The following LRP1 variants were observed in gnomAD, a reference collection of about 807,000 sequenced individuals.
LRP1 encodes the protein prolow-density lipoprotein receptor-related protein 1.
Under a neutral mutation model 541.5 loss-of-function variants are expected in LRP1, and 51 were observed. The observed-to-expected ratio is 0.09, with a 90% CI of 0.08 to 0.12. The LOEUF is 0.12. LRP1 is among the 10% of genes least tolerant of loss of function. The pLI is 1.00. For missense variants in LRP1, 3,878 were observed against 6,376.2 expected, an observed-to-expected ratio of 0.61 and a Z score of 13.34; for synonymous variants, 2,219 against 2,470.8, an observed-to-expected ratio of 0.90 and a Z score of 3.02.
At chr12:57,145,548 G>A in intron 6 of LRP1, 58 bp downstream of exon 6, 1 of 1,585,290 alleles carries the variant, frequency 6.3e-7, no homozygotes, top group Non-Finnish European at 8.6e-7. Context: ...CAGGGAAGGT[G>A]GACCCTATCT....
intron 68 of LRP1, 176 bp downstream of exon 68, chr12:57,202,713 C>T: frequency 1.6e-6 from 1 of 613,156 alleles, no homozygotes; most frequent in Non-Finnish European, 2.9e-6. Context: ...GCCATTTCAC[C>T]TCATCTCATG....
chr12:57,149,784 A>G (rs1258712888), intron 6 of LRP1: 1 of 706,748 alleles, frequency 1.4e-6, no homozygotes, highest in Non-Finnish European at 2.6e-6. Context: ...GCAGGAAACA[A>G]GGAGCATGAG....
intron 63 of LRP1, 63 bp downstream of exon 63, chr12:57,200,598 C>T: frequency 1.3e-5 from 21 of 1,555,836 alleles, no homozygotes; most frequent in Non-Finnish European, 1.7e-5. Context: ...ACTCCTGAGG[C>T]TTTGAATGGC....
Position 57,195,112 on chromosome 12 carries a change from T to C in LRP1, c.8308+11T>C. ...AGGCTGCTCACTGTGGTAAGGAAGCTGGGATTGGGCCGGGGGAGGTGCCCC... is the reference window on the plus strand; with the variant it reads ...AGGCTGCTCACTGTGGTAAGGAAGCCGGGATTGGGCCGGGGGAGGTGCCCC... On this transcript the variant is annotated intron_variant, in intron 51 of 88. Coordinates refer to ENST00000243077, the MANE Select transcript of LRP1 (RefSeq NM_002332.3). 1 of 1,611,400 alleles carries C rather than the reference T, an allele frequency of 6.2e-7. No homozygotes were observed. The highest frequency in any genetic ancestry group is 8.5e-7 in the Non-Finnish European group (1 of 1,177,758).
rs554085829 is a variant in LRP1 at position 57,210,352 on chromosome 12, G to A, written c.12626G>A (p.Ser4209Asn). Residue 4209 changes from serine to asparagine, a missense_variant, in exon 82 of 89, where the codon AGC becomes AAC. By Grantham distance (46) the Ser-to-Asn change is conservative. Transcript: ENST00000243077. ...TCNLQCFNGGSCFLNARRQPK... is the reference protein window; with the variant it reads ...TCNLQCFNGGNCFLNARRQPK... ...AACCTGCAGTGCTTCAACGGTGGCA[G>A]CTGTTTCCTCAATGCACGGAGGCAG... The A allele has an allele frequency of 1.9e-6, 3 of 1,593,018 alleles. No individual in the cohort carries two copies. Among genetic ancestry groups the A allele is most frequent in the Admixed American group, 3.5e-5 (2 of 56,996 alleles).
At position 57,197,229 on chromosome 12, in the gene LRP1, G is replaced by A; in HGVS notation, c.9076+64G>A. 1.2e-6 allele frequency: 2 copies of A among 1,612,532 alleles called. No individual in the cohort carries two copies. The highest frequency in any genetic ancestry group is 1.7e-6 in the Non-Finnish European group (2 of 1,178,564). On this transcript the variant is annotated intron_variant, in intron 56 of 88. Coordinates refer to ENST00000243077, the MANE Select transcript of LRP1 (RefSeq NM_002332.3). This position sits in a 1 kb window ranked among gnomAD's most constrained non-coding sequence, Gnocchi z 4.5. ...TGTGTGGGACTGCCCGGGTGGCAGA[G>A]CTCCAGACAGGCAGGAGACCAGGGC...
chr12:57,178,689 G>T lies in LRP1; in HGVS notation c.4606+86G>T. 6.3e-7 allele frequency: 1 copy of T among 1,584,558 alleles called. No individual in the cohort carries two copies. The highest frequency in any genetic ancestry group is 1.2e-5 in the South Asian group (1 of 86,554). On this transcript the variant is annotated intron_variant, in intron 27 of 88. Coordinates refer to ENST00000243077, the MANE Select transcript of LRP1 (RefSeq NM_002332.3). The surrounding 1 kb of genome is among the most constrained non-coding windows in gnomAD (Gnocchi z 5.8). Reference sequence around the variant, plus strand: ...GAAGCTCTTAGGAGAGGAGAGGGCAGTGAGAACAGGAGCAAGTCTGTGCTG... The same window carrying T: ...GAAGCTCTTAGGAGAGGAGAGGGCATTGAGAACAGGAGCAAGTCTGTGCTG...
chr12:57,208,404 C>T, intron 77 of LRP1, 188 bp downstream of exon 77: 3 of 654,584 alleles, frequency 4.6e-6, no homozygotes, highest in South Asian at 3.9e-5. Flanking sequence ...GCCCAGGGCC[C>T]CCAGCTGGGC....
At chr12:57,131,671 G>A (rs889237327) in intron 1 of LRP1, among the ~76,000 whole-genome samples, 1 of 152,202 alleles carries the variant, frequency 6.6e-6, no homozygotes, top group Admixed American at 6.5e-5. Flanking sequence ...GAATGTGTAA[G>A]AAATTCATTT....
At chr12:57,150,983 G>C (rs1196586844) in intron 6 of LRP1, among the ~76,000 whole-genome samples, 1 of 151,928 alleles carries the variant, frequency 6.6e-6, no homozygotes, top group African/African-American at 2.4e-5. Context: ...TAGAGGTCCA[G>C]GGACCTCTTT....
chr12:57,152,394 A>G (rs559038720), intron 6 of LRP1, among the ~76,000 whole-genome samples: 1 of 152,246 alleles, frequency 6.6e-6, no homozygotes, highest in Non-Finnish European at 1.5e-5. Flanking sequence ...TGCCGTGCCC[A>G]CCAAGTAAAG....
chr12:57,169,476 G>A (rs2035903131), intron 20 of LRP1, among the ~76,000 whole-genome samples, 169 bp downstream of exon 20: 1 of 152,218 alleles, frequency 6.6e-6, no homozygotes, highest in African/African-American at 2.4e-5. Flanking sequence ...TGTGGGAGAG[G>A]GAGGTTGCCG....
rs768091797 is a variant in LRP1 at position 57,211,526 on chromosome 12, C to T, written c.13131C>T (p.Cys4377=). Reference sequence around the variant, plus strand: ...GGGTGGCCCCCAGCTGTCTGACCTGCGTCGGCCACTGCAGCAATGGCGGCT... The same window carrying T: ...GGGTGGCCCCCAGCTGTCTGACCTGTGTCGGCCACTGCAGCAATGGCGGCT... The part of the protein sequence containing the change: ...DGRVAPSCLT[C]VGHCSNGGSC... Residue 4377 remains cysteine (C), a synonymous_variant, in exon 85 of 89, where the codon TGC becomes TGT. Coordinates refer to ENST00000243077, the MANE Select transcript of LRP1 (RefSeq NM_002332.3). This position sits in a 1 kb window ranked among gnomAD's most constrained non-coding sequence, Gnocchi z 4.3. The T allele has an allele frequency of 5.0e-6, 8 of 1,614,026 alleles. No homozygotes were observed. Among genetic ancestry groups the T allele is most frequent in the Admixed American group, 3.3e-5 (2 of 60,024 alleles).
intron 22 of LRP1, among the ~76,000 whole-genome samples, chr12:57,175,028 G>A (rs1487861015): frequency 6.6e-6 from 1 of 152,154 alleles, no homozygotes; most frequent in Non-Finnish European, 1.5e-5. Flanking sequence ...AGAGGACCAA[G>A]GGTGGTATAG....
chr12:57,191,652 C>T (rs1320870424), intron 44 of LRP1, 140 bp downstream of exon 44: 1 of 690,348 alleles, frequency 1.4e-6, no homozygotes, highest in Non-Finnish European at 2.3e-6. Flanking sequence ...TACTACACTA[C>T]ACACACCACA....
chr12:57,176,404 C>T lies in LRP1; in HGVS notation c.3991+298C>T, dbSNP rs118033554. Reference sequence around the variant, plus strand: ...AAAGAAAAAAGCCACTTAGGAGTGGCGTACCTGAACGCTGCTTTCTGTCCC... The same window carrying T: ...AAAGAAAAAAGCCACTTAGGAGTGGTGTACCTGAACGCTGCTTTCTGTCCC... On this transcript the variant is annotated intron_variant, in intron 24 of 88. Transcript: ENST00000243077. Among the ~76,000 whole-genome samples the T allele has an allele frequency of 3.8e-3, 573 of 152,328 alleles. 3 individuals carry two copies. The highest frequency in any genetic ancestry group is 5.5e-3 in the Non-Finnish European group (374 of 68,032).
chr12:57,160,945 C>T lies in LRP1; in HGVS notation c.2032C>T (p.Arg678Trp), dbSNP rs1442136139. ...GGACCCCAAGGACAGTCGGCGTGGG[C>T]GGCTGGAGAGGGCGTGGATGGATGG... ...EEDPKDSRRG[R>W]LERAWMDGSH... Residue 678 changes from arginine (R) to tryptophan (W), a missense_variant, in exon 13 of 89, where the codon CGG (arginine) becomes TGG (tryptophan). Physicochemically the swap from Arg to Trp is moderately radical, Grantham distance 101. Transcript: ENST00000243077. The T allele has an allele frequency of 2.5e-6, 4 of 1,613,914 alleles. No individual in the cohort carries two copies. The highest frequency in any genetic ancestry group is 2.5e-6 in the Non-Finnish European group (3 of 1,180,012).
rs2035674228 is a variant in LRP1, at chr12:57,158,837, G to C, written c.1798+199G>C. Among the ~76,000 whole-genome samples, 2 of 152,172 alleles carry C rather than the reference G, an allele frequency of 1.3e-5. No individual in the cohort carries two copies. On this transcript the variant is annotated intron_variant, in intron 11 of 88. Coordinates refer to ENST00000243077, the MANE Select transcript of LRP1 (RefSeq NM_002332.3). The surrounding 1 kb of genome is among the most constrained non-coding windows in gnomAD (Gnocchi z 5.3). ...AGCCAAAGAGGCAGGGTTAGGATGG[G>C]TTAGGCAGCATGGGCCGTCCTTGCC...
intron 8 of LRP1, chr12:57,155,736 C>G (rs1458488933): frequency 5.7e-6 from 1 of 175,738 alleles, no homozygotes; most frequent in Non-Finnish European, 1.2e-5. Flanking sequence ...AGTGCTTGAG[C>G]CTCGGAGGTC....
Sources: gnomAD v4.1 joint callset for allele counts (sites outside exome capture counted in the v4.1 genomes callset) on GRCh38, gnomAD v4.1.1 for gene constraint, Gnocchi (gnomAD v3.1) non-coding constraint, MANE v1.5 for transcripts, NCBI Gene and HGNC (gene_info 2026-07-23, HGNC 2026-07-21) for gene names.